Variants in YEATS4 observed in about 807,000 individuals in gnomAD.
The protein encoded by YEATS4 is YEATS domain containing 4.
In YEATS4, 17 loss-of-function variants were observed where a neutral mutation model predicts 30.1. The ratio of observed to expected loss-of-function variants is 0.56; its 90% CI spans 0.39 to 0.85. The LOEUF (loss-of-function observed/expected upper bound fraction) is 0.85, where lower values mean the gene tolerates loss of function less well. Among genes scored for constraint, YEATS4 ranks in the 40% least tolerant of loss-of-function variants. The pLI is 0.00. For missense variants in YEATS4, 142 were observed against 268.3 expected (o/e 0.53, Z 3.29); for synonymous variants, 85 against 87.5 (o/e 0.97, Z 0.16).
At chr12:69,417,860 A>G in the YEATS4 span, among the ~76,000 whole-genome samples, 28 of 150,872 alleles carry the variant, frequency 1.9e-4, no homozygotes, top group African/African-American at 2.2e-4. Context: ...AATAGGGAAA[A>G]AAAAAAAAAA....
the YEATS4 span, among the ~76,000 whole-genome samples, chr12:69,420,406 A>AT: frequency 1.5e-4 from 21 of 135,798 alleles, no homozygotes; most frequent in South Asian, 1.0e-3. Flanking sequence ...TGGTTTGGTT[A>AT]GGGGGAGGGG....
chr12:69,362,033 T>TTTTTTTTTTTTG, intron 1 of YEATS4, among the ~76,000 whole-genome samples: 1 of 146,694 alleles, frequency 6.8e-6, no homozygotes, highest in Non-Finnish European at 1.5e-5. Flanking sequence ...TTTTTTTTTT[T>TTTTTTTTTTTTG]TGGAGACAGA....
At chr12:69,406,500 A>G in the YEATS4 span, among the ~76,000 whole-genome samples, 9 of 152,004 alleles carry the variant, frequency 5.9e-5, no homozygotes, top group Admixed American at 5.9e-4. Flanking sequence ...GATAATTTTT[A>G]AATTTTTTTA....
the YEATS4 span, among the ~76,000 whole-genome samples, chr12:69,408,679 A>G: frequency 6.6e-6 from 1 of 152,322 alleles, no homozygotes; most frequent in African/African-American, 2.4e-5. Context: ...CCCCCAGCCT[A>G]TGGCCCAAGT....
the YEATS4 span, among the ~76,000 whole-genome samples, chr12:69,426,660 C>T: frequency 2.6e-5 from 4 of 152,168 alleles, no homozygotes; most frequent in East Asian, 3.8e-4. Context: ...CATAAGCCAC[C>T]GCATCCGGCC....
At chr12:69,365,178 G>A (rs183999028) in intron 2 of YEATS4, among the ~76,000 whole-genome samples, 227 of 151,958 alleles carry the variant, frequency 1.5e-3, no homozygotes, top group African/African-American at 5.2e-3. Flanking sequence ...GGCCAGGTGC[G>A]GTGGCTCACG....
chr12:69,368,977 C>T (rs530913677), intron 4 of YEATS4, among the ~76,000 whole-genome samples: 2 of 152,272 alleles, frequency 1.3e-5, no homozygotes, highest in African/African-American at 2.4e-5. Context: ...TTTATAGTCC[C>T]AGTTACTTGG....
At chr12:69,386,089 T>G (rs369612677) in intron 6 of YEATS4, among the ~76,000 whole-genome samples, 22 of 152,338 alleles carry the variant, frequency 1.4e-4, no homozygotes, top group African/African-American at 5.3e-4. Context: ...AAACAGAAAC[T>G]TTTCTTTTTT....
At chr12:69,394,099 G>A (rs920178516), downstream of YEATS4, among the ~76,000 whole-genome samples, 5 of 152,308 alleles carry the variant, frequency 3.3e-5, no homozygotes, top group African/African-American at 1.2e-4. Flanking sequence ...GTTAGGAAAG[G>A]AGAAAGAAAA....
chr12:69,409,480 G>A, the YEATS4 span, among the ~76,000 whole-genome samples: 1 of 152,014 alleles, frequency 6.6e-6, no homozygotes, highest in Non-Finnish European at 1.5e-5. Flanking sequence ...AGCCAGCCAT[G>A]GTGGTGCACA....
chr12:69,375,285 C>CTGTAATCTCG (rs1875817428), intron 6 of YEATS4, among the ~76,000 whole-genome samples: 2 of 149,986 alleles, frequency 1.3e-5, no homozygotes, highest in African/African-American at 4.9e-5. Flanking sequence ...CGGGCAGAGG[C>CTGTAATCTCG]GCTCTTCACA....
intron 6 of YEATS4, among the ~76,000 whole-genome samples, chr12:69,385,235 G>C (rs953057819): frequency 1.3e-5 from 2 of 151,582 alleles, no homozygotes; most frequent in Admixed American, 1.3e-4. Flanking sequence ...TAAAGTACTG[G>C]TATTACAGGC....
chr12:69,364,858 G>A (rs997882073), intron 2 of YEATS4, among the ~76,000 whole-genome samples: 8 of 152,076 alleles, frequency 5.3e-5, no homozygotes, highest in Admixed American at 3.9e-4. Flanking sequence ...GACCTCAGGT[G>A]ATCCACCTGC....
the YEATS4 span, among the ~76,000 whole-genome samples, chr12:69,422,111 G>A: frequency 1.3e-5 from 2 of 152,174 alleles, no homozygotes; most frequent in East Asian, 3.9e-4. Flanking sequence ...AGATTCTGGC[G>A]AGAGAGGTCC....
intron 6 of YEATS4, among the ~76,000 whole-genome samples, chr12:69,383,484 C>G (rs970171865): frequency 6.6e-6 from 1 of 152,082 alleles, no homozygotes; most frequent in African/African-American, 2.4e-5. Context: ...ACTGAGAGAC[C>G]TGGGCACTCC....
chr12:69,403,713 A>C, the YEATS4 span, among the ~76,000 whole-genome samples: 2 of 152,306 alleles, frequency 1.3e-5, no homozygotes, highest in South Asian at 2.1e-4. Flanking sequence ...AAGGAATTGC[A>C]TCATGAGGAA....
chr12:69,390,375 A>G lies in YEATS4; in HGVS notation c.*59A>G, dbSNP rs1868303339. ...CTGAAAATAAGGTGGGCTTCACTGG[A>G]GAAATGGACTTACTGCAAATGCTGT... is the stretch of plus-strand genomic sequence containing the variant. On this transcript the variant is annotated 3_prime_UTR_variant, in exon 7 of 7. Transcript: ENST00000247843. The G allele has an allele frequency of 6.9e-7, 1 of 1,443,462 alleles. No homozygotes were observed. The highest frequency in any genetic ancestry group is 9.2e-7 in the Non-Finnish European group (1 of 1,084,086). The allele number at this position is 1,443,462 out of a possible 1,614,324, so 89.4% of individuals were successfully genotyped here. A position where few individuals can be genotyped will look rare whatever the true frequency, so the allele number is the denominator to read the frequency against.
chr12:69,404,986 T>G, the YEATS4 span, among the ~76,000 whole-genome samples: 1 of 152,176 alleles, frequency 6.6e-6, no homozygotes, highest in Non-Finnish European at 1.5e-5. Flanking sequence ...AGAGAGAGAA[T>G]GAAGTTGATA....
chr12:69,416,313 C>G, the YEATS4 span, among the ~76,000 whole-genome samples: 5 of 152,082 alleles, frequency 3.3e-5, no homozygotes, highest in Non-Finnish European at 7.4e-5. Flanking sequence ...TGTTATCTAG[C>G]AACAAAAAGA....
Sources: allele counts gnomAD v4.1 joint callset (sites outside exome capture counted in the v4.1 genomes callset), GRCh38; gene constraint gnomAD v4.1.1; transcripts MANE v1.5; gene names NCBI Gene and HGNC (gene_info 2026-07-23, HGNC 2026-07-21).